Variants in TOX observed in about 807,000 individuals in gnomAD.
The protein encoded by TOX is thymocyte selection associated high mobility group box.
Under a neutral mutation model 53.7 loss-of-function variants are expected in TOX, and 11 were observed. That is an observed-to-expected ratio of 0.20 (90% CI 0.13 to 0.34). The LOEUF is 0.34. TOX is among the 10% of genes least tolerant of loss of function. The pLI is 1.00. For synonymous variants in TOX, 225 were observed against 245.3 expected, an observed-to-expected ratio of 0.92 and a Z score of 0.77; for missense variants, 570 against 664.6, an observed-to-expected ratio of 0.86 and a Z score of 1.56.
intron 1 of TOX, among the ~76,000 whole-genome samples, chr8:58,983,004 T>C (rs1321740091): frequency 6.6e-6 from 1 of 152,186 alleles, no homozygotes. Flanking sequence ...TCTCCAAATA[T>C]CCAAATTTTA....
At chr8:58,939,164 G>A (rs1170736616) in intron 3 of TOX, 138 bp downstream of exon 3, 1 of 1,139,840 alleles carries the variant, frequency 8.8e-7, no homozygotes, top group African/African-American at 1.6e-5. Flanking sequence ...AAATGTGTAT[G>A]ATTTATAAAT....
chr8:59,000,405 ATTAT>A (rs1813669246), intron 1 of TOX, among the ~76,000 whole-genome samples: 1 of 152,204 alleles, frequency 6.6e-6, no homozygotes, highest in Non-Finnish European at 1.5e-5. Flanking sequence ...CTAGATGAAT[ATTAT>A]TTAAAGTTCA....
At chr8:59,063,623 C>A (rs1303240596) in intron 1 of TOX, among the ~76,000 whole-genome samples, 1 of 151,890 alleles carries the variant, frequency 6.6e-6, no homozygotes, top group Non-Finnish European at 1.5e-5. Flanking sequence ...GGGGTTTCAC[C>A]ATGTTAGCCA....
At position 58,839,586 on chromosome 8, in the gene TOX, G is replaced by T. The variant is rs1022158027; in HGVS notation, c.694-1275C>A. 3.3e-5 allele frequency among the ~76,000 whole-genome samples: 5 copies of T among 152,262 alleles called. 1 individual carries two copies. The highest frequency in any genetic ancestry group is 5.9e-5 in the Non-Finnish European group (4 of 68,020). ...ATCCACCTCTAAAATAAAGCATTTT[G>T]GATAGGATTTCTTTCCGGCTCTAAA... is the stretch of plus-strand genomic sequence containing the variant. On this transcript the variant is annotated intron_variant, in intron 4 of 8. Coordinates refer to ENST00000361421, the MANE Select transcript of TOX (RefSeq NM_014729.3).
chr8:58,970,065 T>C (rs1009621878), intron 1 of TOX, among the ~76,000 whole-genome samples: 2 of 152,196 alleles, frequency 1.3e-5, no homozygotes, highest in Non-Finnish European at 2.9e-5. Context: ...AAAAATGTGA[T>C]ATCATTCATT....
intron 1 of TOX, among the ~76,000 whole-genome samples, chr8:58,963,824 T>A (rs906622938): frequency 6.6e-6 from 1 of 152,214 alleles, no homozygotes; most frequent in Non-Finnish European, 1.5e-5. Flanking sequence ...GGTGCATACC[T>A]TCCTTATCTT....
At chr8:59,041,464 G>A (rs947895699) in intron 1 of TOX, among the ~76,000 whole-genome samples, 11 of 152,022 alleles carry the variant, frequency 7.2e-5, no homozygotes, top group African/African-American at 2.2e-4. Flanking sequence ...TGCAAACTCC[G>A]GTGAGCTACA....
At chr8:59,100,138 A>G (rs918701450) in intron 1 of TOX, among the ~76,000 whole-genome samples, 5 of 152,198 alleles carry the variant, frequency 3.3e-5, no homozygotes, top group Non-Finnish European at 7.3e-5. Flanking sequence ...AAGGAGCTCT[A>G]CACTGGGTAA....
At chr8:58,809,762 A>G (rs1810045952) in intron 7 of TOX, among the ~76,000 whole-genome samples, 1 of 152,236 alleles carries the variant, frequency 6.6e-6, no homozygotes, top group South Asian at 2.1e-4. Context: ...AACTCTTGAG[A>G]GGAGCCTTGT....
intron 6 of TOX, among the ~76,000 whole-genome samples, chr8:58,820,818 T>A (rs1431058355): frequency 6.6e-6 from 1 of 152,224 alleles, no homozygotes; most frequent in Non-Finnish European, 1.5e-5. Flanking sequence ...CCAAGGTGAC[T>A]ACTTTGAATG....
chr8:58,890,613 GC>G (rs1343890610), intron 3 of TOX, among the ~76,000 whole-genome samples: 1 of 152,154 alleles, frequency 6.6e-6, no homozygotes, highest in Non-Finnish European at 1.5e-5. Flanking sequence ...ACTCCAGGGG[GC>G]TATGAGAGAA....
intron 1 of TOX, among the ~76,000 whole-genome samples, chr8:59,068,698 G>A (rs1206650641): frequency 2.0e-5 from 3 of 152,188 alleles, no homozygotes; most frequent in East Asian, 3.9e-4. Context: ...ACAGGCAAAT[G>A]AGGTAACTTG....
intron 1 of TOX, among the ~76,000 whole-genome samples, chr8:58,973,922 T>TG (rs780944988): frequency 4.3e-4 from 66 of 152,172 alleles, no homozygotes; most frequent in Non-Finnish European, 6.6e-4. Flanking sequence ...CTCAACCTCT[T>TG]GAGTAGCTGA....
chr8:58,924,178 GC>G (rs1376037154), intron 3 of TOX, among the ~76,000 whole-genome samples: 1 of 152,194 alleles, frequency 6.6e-6, no homozygotes, highest in Non-Finnish European at 1.5e-5. Context: ...AGATTTTCAT[GC>G]ATCAAACATC....
At chr8:58,831,575 T>C (rs1216047580) in intron 5 of TOX, among the ~76,000 whole-genome samples, 1 of 152,214 alleles carries the variant, frequency 6.6e-6, no homozygotes, top group African/African-American at 2.4e-5. Flanking sequence ...AAAACCATGG[T>C]GTGAATAAAA....
chr8:58,885,965 T>C (rs567026672), intron 3 of TOX, among the ~76,000 whole-genome samples: 109 of 152,270 alleles, frequency 7.2e-4, no homozygotes, highest in Middle Eastern at 3.4e-3. Context: ...CACAGTATAC[T>C]CTTAACATTG....
chr8:59,075,774 A>G (rs1420450172), intron 1 of TOX, among the ~76,000 whole-genome samples: 2 of 152,158 alleles, frequency 1.3e-5, no homozygotes, highest in Admixed American at 6.5e-5. Flanking sequence ...GAGAGAAAGC[A>G]AGGAAGGTGG....
At chr8:58,964,864 GGT>G (rs34469462) in intron 1 of TOX, among the ~76,000 whole-genome samples, 4,247 of 148,158 alleles carry the variant, frequency 0.029, 174 homozygotes, top group African/African-American at 0.094. Flanking sequence ...ATTTGTAGCT[GGT>G]GTGTGTGTGT....
chr8:58,835,005 A>G, intron 5 of TOX, among the ~76,000 whole-genome samples: 1 of 152,190 alleles, frequency 6.6e-6, no homozygotes, highest in Non-Finnish European at 1.5e-5. Context: ...CTCTTAAACA[A>G]GTGTTCAAAT....
Sources: gnomAD v4.1 joint callset for allele counts (sites outside exome capture counted in the v4.1 genomes callset) on GRCh38, gnomAD v4.1.1 for gene constraint, MANE v1.5 for transcripts, NCBI Gene and HGNC (gene_info 2026-07-23, HGNC 2026-07-21) for gene names.